Variants in RNF175 observed in about 807,000 individuals in gnomAD.
RNF175 encodes the protein ring finger protein 175.
A neutral mutation model predicts 50.0 loss-of-function variants in RNF175; 38 were observed. The ratio of observed to expected loss-of-function variants is 0.76; its 90% CI spans 0.59 to 1.00. The LOEUF (loss-of-function observed/expected upper bound fraction) is 1.00, where lower values mean the gene tolerates loss of function less well. Ranked by LOEUF, RNF175 falls within the 50% of genes least tolerant of loss-of-function variation. The pLI is 0.00. For synonymous variants in RNF175, 155 were observed against 146.1 expected, an observed-to-expected ratio of 1.06 and a Z score of -0.44; for missense variants, 388 against 409.6, an observed-to-expected ratio of 0.95 and a Z score of 0.46.
chr4:153,721,149 C>A (rs4696485), intron 5 of RNF175, among the ~76,000 whole-genome samples: 1 of 140,468 alleles, frequency 7.1e-6, no homozygotes, highest in Non-Finnish European at 1.6e-5. Flanking sequence ...TGATCATCCC[C>A]CCAGCCAGTT....
chr4:153,724,226 C>A (rs1560775913), intron 4 of RNF175, among the ~76,000 whole-genome samples: 1 of 152,084 alleles, frequency 6.6e-6, no homozygotes, highest in Non-Finnish European at 1.5e-5. Context: ...GCAGTAAAGG[C>A]CCTTAGAAAA....
chr4:153,744,977 AC>A (rs758011192), intron 3 of RNF175, among the ~76,000 whole-genome samples: 7 of 152,250 alleles, frequency 4.6e-5, no homozygotes, highest in Non-Finnish European at 8.8e-5. Flanking sequence ...ATTCCTTTAG[AC>A]CCTGTACTAT....
intron 2 of RNF175, 62 bp from the exon 3 acceptor site, chr4:153,748,848 A>AAAAG: frequency 8.9e-7 from 1 of 1,126,396 alleles, no homozygotes; most frequent in Non-Finnish European, 1.2e-6. Flanking sequence ...TAGCAAAAAA[A>AAAAG]ACAAAAAACA....
chr4:153,711,518 T>C (rs995102250), intron 8 of RNF175, among the ~76,000 whole-genome samples: 1 of 152,190 alleles, frequency 6.6e-6, no homozygotes, highest in Non-Finnish European at 1.5e-5. Flanking sequence ...TGTTAAACCA[T>C]ACGTATAGGG....
chr4:153,740,933 C>T (rs977362751), intron 3 of RNF175, among the ~76,000 whole-genome samples: 2 of 152,188 alleles, frequency 1.3e-5, no homozygotes, highest in African/African-American at 4.8e-5. Context: ...CCTTCAATTT[C>T]CACTAGTGTC....
chr4:153,743,576 G>A (rs1290916447), intron 3 of RNF175, among the ~76,000 whole-genome samples: 2 of 152,106 alleles, frequency 1.3e-5, no homozygotes, highest in Non-Finnish European at 2.9e-5. Context: ...TCCTGGCTTT[G>A]TCAAAGTGCT....
intron 3 of RNF175, among the ~76,000 whole-genome samples, chr4:153,735,437 C>G (rs1397673688): frequency 6.6e-6 from 1 of 152,168 alleles, no homozygotes; most frequent in Non-Finnish European, 1.5e-5. Flanking sequence ...TGTAGCTTTA[C>G]AGTAAGTCTT....
At chr4:153,746,175 C>T (rs1288655613) in intron 3 of RNF175, among the ~76,000 whole-genome samples, 1 of 152,176 alleles carries the variant, frequency 6.6e-6, no homozygotes, top group African/African-American at 2.4e-5. Context: ...ACAGGTCAGG[C>T]AGAGGATAGA....
chr4:153,720,550 C>A, intron 5 of RNF175: 1 of 391,042 alleles, frequency 2.6e-6, no homozygotes, highest in Non-Finnish European at 4.8e-6. Context: ...CTTCTTAGGA[C>A]TGCAGTGCCT....
rs546434781 is a variant in RNF175 at position 153,710,216 on chromosome 4, T to C, written c.*153A>G. 55 of 575,058 alleles carry C rather than the reference T, an allele frequency of 9.6e-5. No homozygotes were observed. In the Admixed American group the frequency reaches 1.1e-3, roughly 12 times the overall value. The allele number at this position is 575,058 out of a possible 1,614,324, so 35.6% of individuals were successfully genotyped here. A position where few individuals can be genotyped will look rare whatever the true frequency, so the allele number is the denominator to read the frequency against. Reference sequence around the variant, plus strand: ...TGTTTATTCCATTGTTCAGCTTCTCTTTAAATTCTTTCCACATGGACAAAT... The same window carrying C: ...TGTTTATTCCATTGTTCAGCTTCTCCTTAAATTCTTTCCACATGGACAAAT... On this transcript the variant is annotated 3_prime_UTR_variant, in exon 9 of 9. Coordinates refer to ENST00000347063, the MANE Select transcript of RNF175 (RefSeq NM_173662.4).
intron 2 of RNF175, 95 bp from the exon 3 acceptor site, chr4:153,748,881 G>C (rs1740142111): frequency 8.0e-7 from 1 of 1,252,594 alleles, no homozygotes; most frequent in Non-Finnish European, 1.1e-6. Context: ...ACAAAAAACA[G>C]GTTTGGCTTA....
intron 1 of RNF175, among the ~76,000 whole-genome samples, chr4:153,756,840 T>C (rs1740590606): frequency 6.6e-6 from 1 of 152,246 alleles, no homozygotes; most frequent in African/African-American, 2.4e-5. Flanking sequence ...GGGCAAGGGC[T>C]GTCACTCTTT....
In RNF175 at chr4:153,733,079, A is replaced by T. The variant is rs1739134089; in HGVS notation, c.247-4718T>A. Among the ~76,000 whole-genome samples, 4 of 152,194 alleles carry T rather than the reference A, an allele frequency of 2.6e-5. No homozygotes were observed. The South Asian group carries it at 8.3e-4, about 32-fold the overall frequency. Reference sequence around the variant, plus strand: ...TAGGTATTTATAATAAGCTGCTCTGATGTACACAGCTCCTACAGACCGCAG... The same window carrying T: ...TAGGTATTTATAATAAGCTGCTCTGTTGTACACAGCTCCTACAGACCGCAG... On this transcript the variant is annotated intron_variant, in intron 3 of 8. Transcript: ENST00000347063.
chr4:153,749,508 G>A (rs1740174430), intron 2 of RNF175, among the ~76,000 whole-genome samples: 1 of 152,188 alleles, frequency 6.6e-6, no homozygotes, highest in Non-Finnish European at 1.5e-5. Context: ...ATAATAGAGA[G>A]AAAGAATAGG....
rs1315984818 is a variant in RNF175 at position 153,748,656 on chromosome 4, G to C, written c.235C>G (p.Arg79Gly). ...VLVQWRQRHG[R>G]SYNLVTLLQM... ...CGGGGATGACTCACATTGTAGGATC[G>C]GCCATGCCTCTGTCTCCACTGAACC... The change falls in exon 3 of 9, where the codon CGA becomes GGA. Residue 79 changes from arginine to glycine, a missense_variant. By Grantham distance (125) the Arg-to-Gly change is moderately radical. Transcript: ENST00000347063. 6.3e-7 allele frequency: 1 copy of C among 1,592,820 alleles called. No individual in the cohort carries two copies. Among genetic ancestry groups the C allele is most frequent in the African/African-American group, 1.3e-5 (1 of 74,236 alleles).
At chr4:153,720,623 A>ACTGCTGCCTCAGCAG (rs1738278808) in intron 5 of RNF175, 1 of 237,544 alleles carries the variant, frequency 4.2e-6, no homozygotes, top group Non-Finnish European at 8.5e-6. Flanking sequence ...GCAGCTTGTA[A>ACTGCTGCCTCAGCAG]CAGTTTCCAT....
chr4:153,720,216 TCTCGG>T lies in RNF175; in HGVS notation c.593_597del (p.Ala198AspfsTer40), dbSNP rs1426594212. The T allele has an allele frequency of 1.2e-6, 2 of 1,613,818 alleles. No homozygotes were observed. The highest frequency in any genetic ancestry group is 2.7e-5 in the African/African-American group (2 of 75,022). On this transcript the variant is annotated frameshift_variant, in exon 6 of 9. Coordinates refer to ENST00000347063, the MANE Select transcript of RNF175 (RefSeq NM_173662.4). LOFTEE classifies it high-confidence loss of function. The stretch of plus-strand genomic sequence containing the variant: ...GTGGAAGCCATGTAGTCTGAGCAGA[TCTCGG>T]CAAAGTCTCTCCCCATTACTCCATA...
At chr4:153,726,395 G>C (rs187520480) in intron 4 of RNF175, among the ~76,000 whole-genome samples, 1 of 152,286 alleles carries the variant, frequency 6.6e-6, no homozygotes, top group East Asian at 1.9e-4. Context: ...GTGAGCCATT[G>C]CATGTGTGGC....
intron 2 of RNF175, 148 bp downstream of exon 2, chr4:153,751,290 T>C: frequency 1.6e-6 from 1 of 635,790 alleles, no homozygotes; most frequent in Non-Finnish European, 2.8e-6. Context: ...ATCCATGCAT[T>C]TTGGTCTGTA....
Sources: allele counts gnomAD v4.1 joint callset (sites outside exome capture counted in the v4.1 genomes callset), GRCh38; gene constraint gnomAD v4.1.1; transcripts MANE v1.5; gene names NCBI Gene and HGNC (gene_info 2026-07-23, HGNC 2026-07-21).